PRKDC: variants seen among roughly 807,000 people sequenced by gnomAD.
PRKDC encodes the protein protein kinase, DNA-activated, catalytic subunit.
PRKDC carries 82 observed loss-of-function variants against 486.9 expected under a neutral mutation model. The ratio of observed to expected loss-of-function variants is 0.17; its 90% CI spans 0.14 to 0.20. The LOEUF (loss-of-function observed/expected upper bound fraction) is 0.20, where lower values mean the gene tolerates loss of function less well. Ranked by LOEUF, PRKDC falls within the 10% of genes least tolerant of loss-of-function variation. PRKDC has a pLI of 1.00. For synonymous variants in PRKDC, 1,895 were observed against 1,837.0 expected (o/e 1.03, Z -0.81); for missense variants, 4,504 against 5,038.2 (o/e 0.89, Z 3.21).
At chr8:47,929,405 C>T (rs1433567616) in intron 18 of PRKDC, among the ~76,000 whole-genome samples, 1 of 152,196 alleles carries the variant, frequency 6.6e-6, no homozygotes, top group Non-Finnish European at 1.5e-5. Context: ...CAGCTAAGTC[C>T]ATTCCCTCTT....
chr8:47,942,525 C>T (rs971677580), intron 10 of PRKDC, among the ~76,000 whole-genome samples: 1 of 152,242 alleles, frequency 6.6e-6, no homozygotes, highest in South Asian at 2.1e-4. Flanking sequence ...ACACTGTTCA[C>T]ACAGGTTTGC....
Position 47,803,516 on chromosome 8 carries a change from G to A in PRKDC, c.9748-36C>T. 1.9e-6 allele frequency: 3 copies of A among 1,602,254 alleles called. No individual in the cohort carries two copies. The South Asian group carries it at 3.3e-5, about 18-fold the overall frequency. ...ACAATAAAAAGAGAGAAGGTGGTAT[G>A]ATGATACACAAGTGACAGAAGTTTC... On this transcript the variant is annotated intron_variant, in intron 69 of 85. Transcript: ENST00000314191.
At chr8:47,859,505 T>C (rs2088623469) in intron 46 of PRKDC, 106 bp downstream of exon 46, 2 of 1,310,578 alleles carry the variant, frequency 1.5e-6, no homozygotes, top group Non-Finnish European at 2.1e-6. Context: ...CCGAGGGTTG[T>C]CAATGGACAG....
At chr8:47,844,168 A>C (rs765408244) in intron 54 of PRKDC, among the ~76,000 whole-genome samples, 2 of 152,264 alleles carry the variant, frequency 1.3e-5, no homozygotes, top group Non-Finnish European at 2.9e-5. Flanking sequence ...ACATGTAACA[A>C]CACCCACAGG....
chr8:47,895,331 ATTACCTG>A (rs757249602), intron 30 of PRKDC, among the ~76,000 whole-genome samples: 2 of 152,256 alleles, frequency 1.3e-5, no homozygotes, highest in African/African-American at 2.4e-5. Context: ...TGTTATACAA[ATTACCTG>A]TTGGAAGAAG....
In PRKDC at chr8:47,840,211, C is replaced by A. The variant is rs1206702292; in HGVS notation, c.7281-22G>T. On this transcript the variant is annotated intron_variant, in intron 54 of 85. Transcript: ENST00000314191. ...ATCTCTATGGGAGAGATTTTAAAAA[C>A]ACACAAATTTAGCTATTTTTATTAT... 5.2e-6 allele frequency: 8 copies of A among 1,550,236 alleles called. No homozygotes were observed. The Admixed American group carries it at 1.6e-4, about 31-fold the overall frequency.
intron 66 of PRKDC, 144 bp from the exon 67 acceptor site, chr8:47,819,654 T>C: frequency 2.3e-6 from 1 of 440,868 alleles, no homozygotes; most frequent in African/African-American, 2.0e-5. Flanking sequence ...GGTTAATAAT[T>C]AGATCACAGA....
At chr8:47,885,904 A>G (rs758381541) in intron 36 of PRKDC, 40 bp downstream of exon 36, 4 of 1,586,350 alleles carry the variant, frequency 2.5e-6, no homozygotes, top group Non-Finnish European at 2.6e-6. Flanking sequence ...ACAAACAAAC[A>G]AACAAAAAAA....
At chr8:47,892,166 G>A (rs909185243) in intron 31 of PRKDC, among the ~76,000 whole-genome samples, 3 of 151,722 alleles carry the variant, frequency 2.0e-5, no homozygotes, top group South Asian at 2.1e-4. Flanking sequence ...CACCGCGTCC[G>A]GCCATGAACA....
At chr8:47,831,128 C>G (rs909139630) in intron 60 of PRKDC, among the ~76,000 whole-genome samples, 141 of 152,292 alleles carry the variant, frequency 9.3e-4, no homozygotes, top group African/African-American at 3.3e-3. Context: ...AGCTGCAGAG[C>G]CCAAAGCTCC....
At chr8:47,830,401 G>A (rs980919976) in intron 61 of PRKDC, among the ~76,000 whole-genome samples, 2 of 152,150 alleles carry the variant, frequency 1.3e-5, no homozygotes, top group African/African-American at 4.8e-5. Context: ...CAGAGTCTCC[G>A]CATGTGTAAA....
intron 5 of PRKDC, 40 bp downstream of exon 5, chr8:47,954,298 T>C: frequency 5.7e-6 from 5 of 873,460 alleles, no homozygotes; most frequent in Non-Finnish European, 8.2e-6. Flanking sequence ...TAATATTAAT[T>C]TGCTAAACTA....
At chr8:47,896,186 A>G (rs1328845103) in intron 30 of PRKDC, among the ~76,000 whole-genome samples, 1 of 151,872 alleles carries the variant, frequency 6.6e-6, no homozygotes, top group Non-Finnish European at 1.5e-5. Context: ...AATCTAATTC[A>G]GTTATAGTAT....
At chr8:47,815,353 C>A (rs182018981) in intron 68 of PRKDC, among the ~76,000 whole-genome samples, 3 of 152,090 alleles carry the variant, frequency 2.0e-5, no homozygotes, top group Non-Finnish European at 4.4e-5. Flanking sequence ...TGAACAAATG[C>A]GGCTAGATAG....
intron 22 of PRKDC, among the ~76,000 whole-genome samples, chr8:47,916,616 C>T (rs968750972): frequency 9.2e-5 from 14 of 152,120 alleles, no homozygotes; most frequent in African/African-American, 3.4e-4. Context: ...CATATATCCA[C>T]CTATGAATAA....
chr8:47,906,905 T>C (rs1319527121), intron 25 of PRKDC, among the ~76,000 whole-genome samples: 1 of 151,496 alleles, frequency 6.6e-6, no homozygotes, highest in Admixed American at 6.8e-5. Context: ...TTTGAAGCTA[T>C]TTTTTTCCCC....
intron 39 of PRKDC, among the ~76,000 whole-genome samples, 176 bp from the exon 40 acceptor site, chr8:47,878,027 A>G (rs745372777): frequency 1.3e-5 from 2 of 151,918 alleles, no homozygotes; most frequent in Non-Finnish European, 2.9e-5. Context: ...TCATTTTTAC[A>G]AATATTGTTG....
chr8:47,780,008 G>C (rs2154497413), intron 80 of PRKDC, among the ~76,000 whole-genome samples: 1 of 148,608 alleles, frequency 6.7e-6, no homozygotes, highest in Admixed American at 6.9e-5. Flanking sequence ...TCTACCTCCT[G>C]GGTTCAAGCA....
intron 44 of PRKDC, among the ~76,000 whole-genome samples, chr8:47,861,220 C>T (rs755408184): frequency 3.0e-4 from 46 of 152,154 alleles, no homozygotes; most frequent in Non-Finnish European, 5.3e-4. Context: ...CAGCTCACTG[C>T]GTACAGTGTG....
Sources: allele counts gnomAD v4.1 joint callset (sites outside exome capture counted in the v4.1 genomes callset), GRCh38; gene constraint gnomAD v4.1.1; transcripts MANE v1.5; gene names NCBI Gene and HGNC (gene_info 2026-07-23, HGNC 2026-07-21).